The following SLC44A5 variants were observed in gnomAD, a reference collection of about 807,000 sequenced individuals.
SLC44A5 encodes choline transporter-like protein 5.
A neutral mutation model predicts 101.8 loss-of-function variants in SLC44A5; 57 were observed. The ratio of observed to expected loss-of-function variants is 0.56; its 90% confidence interval spans 0.45 to 0.70. SLC44A5 has a LOEUF of 0.70. Among genes scored for constraint, SLC44A5 ranks in the 30% least tolerant of loss-of-function variants. SLC44A5 has a pLI of 0.00. For missense variants in SLC44A5, 737 were observed against 853.1 expected (o/e 0.86, Z 1.70); for synonymous variants, 281 against 290.9 (o/e 0.97, Z 0.35).
chr1:75,580,926 A>T (rs12066817), intron 1 of SLC44A5, among the ~76,000 whole-genome samples: 1 of 152,080 alleles, frequency 6.6e-6, no homozygotes, highest in Non-Finnish European at 1.5e-5. Flanking sequence ...ATATTTTTTT[A>T]AAAAATCAAA....
chr1:75,641,295 T>C, the SLC44A5 span: 5 of 641,450 alleles, frequency 7.8e-6, no homozygotes, highest in Non-Finnish European at 1.4e-5. Context: ...AAAGAGTCCA[T>C]AGGCTTCAGA....
intron 1 of SLC44A5, among the ~76,000 whole-genome samples, chr1:75,575,189 T>C (rs888011876): frequency 6.6e-6 from 1 of 152,224 alleles, no homozygotes; most frequent in Non-Finnish European, 1.5e-5. Flanking sequence ...ATACTTTCGA[T>C]GCAGCCTAAT....
intron 20 of SLC44A5, among the ~76,000 whole-genome samples, 189 bp downstream of exon 20, chr1:75,214,416 A>C (rs1418695840): frequency 6.6e-6 from 1 of 152,178 alleles, no homozygotes; most frequent in Non-Finnish European, 1.5e-5. Flanking sequence ...ACAGGTGGGT[A>C]ATGGAAGCAA....
chr1:75,675,078 CTG>C, the SLC44A5 span, among the ~76,000 whole-genome samples: 1 of 152,126 alleles, frequency 6.6e-6, no homozygotes, highest in Non-Finnish European at 1.5e-5. Flanking sequence ...GCTTAGGACT[CTG>C]TCTTGGCCAC....
the SLC44A5 span, among the ~76,000 whole-genome samples, chr1:75,651,853 G>A: frequency 5.9e-5 from 9 of 152,130 alleles, no homozygotes; most frequent in East Asian, 5.8e-4. Context: ...ACACGCACAC[G>A]TGGAACGTCA....
chr1:75,403,195 G>A (rs1017752676), intron 2 of SLC44A5, among the ~76,000 whole-genome samples: 3 of 152,210 alleles, frequency 2.0e-5, no homozygotes, highest in African/African-American at 7.2e-5. Context: ...AGCAGCCCCA[G>A]TCAGGGGCTT....
chr1:75,405,629 G>T (rs1024603623), intron 2 of SLC44A5, among the ~76,000 whole-genome samples: 6 of 152,026 alleles, frequency 3.9e-5, no homozygotes, highest in African/African-American at 1.4e-4. Context: ...CAAAATTAAG[G>T]CAGAAATAAT....
At chr1:75,545,928 G>A (rs1570581563) in intron 1 of SLC44A5, among the ~76,000 whole-genome samples, 1 of 151,482 alleles carries the variant, frequency 6.6e-6, no homozygotes, top group East Asian at 2.0e-4. Flanking sequence ...CTCGGCTCAA[G>A]TGATTCGTCC....
Position 75,385,324 on chromosome 1 carries a change from GA to G in SLC44A5, c.52+11258del, listed in dbSNP as rs1393844649. On this transcript the variant is annotated intron_variant, in intron 3 of 23. Coordinates refer to ENST00000370859, the MANE Select transcript of SLC44A5 (RefSeq NM_001130058.2). ...ATAGACCGCTAGCAAGACTAATAAA[GA>G]AAAAAAGAGAGAAGAATCAAATAGA... Among the ~76,000 whole-genome samples the G allele has an allele frequency of 2.7e-5, 4 of 147,438 alleles. No individual in the cohort carries two copies. The East Asian group carries it at 8.1e-4, about 30-fold the overall frequency.
At chr1:75,704,101 C>A in the SLC44A5 span, among the ~76,000 whole-genome samples, 1 of 152,046 alleles carries the variant, frequency 6.6e-6, no homozygotes, top group African/African-American at 2.4e-5. Context: ...ATGTGTTACA[C>A]CTGCATATAC....
chr1:75,509,586 G>A (rs1275031381), intron 2 of SLC44A5, among the ~76,000 whole-genome samples: 1 of 152,224 alleles, frequency 6.6e-6, no homozygotes, highest in African/African-American at 2.4e-5. Flanking sequence ...TATTTGTAAA[G>A]AGGAGGCAGA....
chr1:75,459,264 A>G (rs919474005), intron 2 of SLC44A5, among the ~76,000 whole-genome samples: 1 of 152,258 alleles, frequency 6.6e-6, no homozygotes, highest in African/African-American at 2.4e-5. Context: ...TCCCATGGAA[A>G]GAAAAAATAA....
At chr1:75,636,101 A>G in the SLC44A5 span, among the ~76,000 whole-genome samples, 3 of 151,970 alleles carry the variant, frequency 2.0e-5, no homozygotes, top group Non-Finnish European at 4.4e-5. Flanking sequence ...TCCTTTGCCT[A>G]TCATTTCACT....
At chr1:75,387,708 TGGGTATATACCCAAAGGACTATA>T (rs1482105175) in intron 3 of SLC44A5, among the ~76,000 whole-genome samples, 10 of 100,618 alleles carry the variant, frequency 9.9e-5, no homozygotes, top group African/African-American at 4.0e-4. Flanking sequence ...ATCCCATTAC[TGGGTATATACCCAAAGGACTATA>T]AATCATGCTG....
At chr1:75,720,662 G>T in the SLC44A5 span, among the ~76,000 whole-genome samples, 1 of 152,152 alleles carries the variant, frequency 6.6e-6, no homozygotes, top group South Asian at 2.1e-4. Context: ...TATTTGAAGA[G>T]ATTTATTCCG....
At chr1:75,492,551 T>A (rs189938550) in intron 2 of SLC44A5, among the ~76,000 whole-genome samples, 86 of 152,226 alleles carry the variant, frequency 5.6e-4, no homozygotes, top group African/African-American at 2.0e-3. Flanking sequence ...ATAAGGAAGA[T>A]ATACACTGCT....
chr1:75,661,387 T>TAAAAAAAAAAAAAAAAAAAAAAAA, the SLC44A5 span, among the ~76,000 whole-genome samples: 3 of 53,600 alleles, frequency 5.6e-5, 1 homozygote, highest in Non-Finnish European at 9.2e-5. Context: ...CTACTGCAAG[T>TAAAAAAAAAAAAAAAAAAAAAAAA]AAAAAAAAAA....
chr1:75,699,610 A>G, the SLC44A5 span, among the ~76,000 whole-genome samples: 1 of 151,972 alleles, frequency 6.6e-6, no homozygotes, highest in East Asian at 1.9e-4. Context: ...AAAAAAAAAA[A>G]AAACACAGCT....
At chr1:75,241,103 ATTTC>A (rs1461869804) in intron 9 of SLC44A5, among the ~76,000 whole-genome samples, 5 of 151,790 alleles carry the variant, frequency 3.3e-5, no homozygotes, top group African/African-American at 1.2e-4. Context: ...ATAGTAGAGT[ATTTC>A]TTTCTTTTTT....
Sources: gnomAD v4.1 joint callset for allele counts (sites outside exome capture counted in the v4.1 genomes callset) on GRCh38, gnomAD v4.1.1 for gene constraint, MANE v1.5 for transcripts, NCBI Gene and HGNC (gene_info 2026-07-23, HGNC 2026-07-21) for gene names.